Variants in ANTXR1 observed in about 807,000 individuals in gnomAD.
ANTXR1 encodes ANTXR cell adhesion molecule 1.
In ANTXR1, 19 loss-of-function variants were observed where a neutral mutation model predicts 78.1. The observed-to-expected ratio is 0.24, with a 90% confidence interval of 0.17 to 0.36. ANTXR1 has a LOEUF of 0.36. ANTXR1 is among the 10% of genes least tolerant of loss of function. The pLI is 1.00. For missense variants in ANTXR1, 518 were observed against 718.6 expected, an observed-to-expected ratio of 0.72 and a Z score of 3.19; for synonymous variants, 273 against 260.5, an observed-to-expected ratio of 1.05 and a Z score of -0.46.
chr2:69,195,181 AAG>A (rs2104478283), intron 17 of ANTXR1, among the ~76,000 whole-genome samples: 2 of 146,766 alleles, frequency 1.4e-5, no homozygotes, highest in African/African-American at 5.5e-5. Flanking sequence ...AAAAAGAAAA[AAG>A]AAAAAGAAAA....
chr2:69,106,466 T>C (rs987768268), intron 10 of ANTXR1, among the ~76,000 whole-genome samples: 2 of 152,254 alleles, frequency 1.3e-5, no homozygotes, highest in East Asian at 3.8e-4. Context: ...GGCTGCGGGC[T>C]GTGACCCCGA....
intron 17 of ANTXR1, among the ~76,000 whole-genome samples, chr2:69,197,821 T>G (rs930277579): frequency 6.6e-6 from 1 of 152,216 alleles, no homozygotes; most frequent in Non-Finnish European, 1.5e-5. Flanking sequence ...TGAAGGAATT[T>G]AGAATGTTCT....
chr2:69,169,858 C>A (rs1673931461), intron 13 of ANTXR1, among the ~76,000 whole-genome samples: 1 of 152,198 alleles, frequency 6.6e-6, no homozygotes. Context: ...CATTGTGTGA[C>A]AATTCTTTGT....
intron 17 of ANTXR1, among the ~76,000 whole-genome samples, chr2:69,203,653 C>G (rs1184325190): frequency 1.3e-5 from 2 of 151,936 alleles, no homozygotes; most frequent in Non-Finnish European, 2.9e-5. Context: ...TCTCTTTCCC[C>G]CTCCCTCTCC....
chr2:69,172,258 A>T (rs1674007094), intron 14 of ANTXR1: 1 of 849,594 alleles, frequency 1.2e-6, no homozygotes, highest in Non-Finnish European at 2.0e-6. Flanking sequence ...AAATTTAAAC[A>T]TTGTACTTTT....
chr2:69,024,558 C>A (rs1308832396), intron 1 of ANTXR1, among the ~76,000 whole-genome samples: 1 of 152,014 alleles, frequency 6.6e-6, no homozygotes, highest in Admixed American at 6.6e-5. Flanking sequence ...CAAGGAGGGA[C>A]AGAATTTCAA....
intron 1 of ANTXR1, among the ~76,000 whole-genome samples, chr2:69,015,917 A>T (rs1671012209): frequency 6.6e-6 from 1 of 152,246 alleles, no homozygotes; most frequent in Admixed American, 6.5e-5. Flanking sequence ...AAGAGAAAAA[A>T]ATATGAGTCA....
intron 17 of ANTXR1, among the ~76,000 whole-genome samples, chr2:69,209,253 T>A (rs73937207): frequency 0.021 from 3,207 of 152,318 alleles, 86 homozygotes; most frequent in East Asian, 0.096. Flanking sequence ...AAAAGGAACC[T>A]GAGTTGACTA....
intron 12 of ANTXR1, among the ~76,000 whole-genome samples, chr2:69,135,915 A>C (rs193145321): frequency 6.6e-6 from 1 of 152,300 alleles, no homozygotes; most frequent in Non-Finnish European, 1.5e-5. Context: ...CATTCAAAAT[A>C]GGGTCCAAAG....
At chr2:69,068,931 A>C (rs1417250115) in intron 3 of ANTXR1, among the ~76,000 whole-genome samples, 2 of 152,206 alleles carry the variant, frequency 1.3e-5, no homozygotes, top group Non-Finnish European at 2.9e-5. Context: ...GGTGAGAGGA[A>C]GGAAAGTCAA....
At chr2:69,103,367 T>G in intron 10 of ANTXR1, 1 of 278,106 alleles carries the variant, frequency 3.6e-6, no homozygotes, top group South Asian at 4.1e-5. Flanking sequence ...ATTGGGACTC[T>G]TAAGGGTAAG....
chr2:69,093,593 A>C (rs1396244673), intron 9 of ANTXR1, among the ~76,000 whole-genome samples: 2 of 152,340 alleles, frequency 1.3e-5, no homozygotes, highest in South Asian at 4.1e-4. Context: ...ATGAATTAAG[A>C]ATTAAAAGAT....
chr2:69,158,627 AC>A (rs1558608706), intron 13 of ANTXR1, among the ~76,000 whole-genome samples: 1 of 152,254 alleles, frequency 6.6e-6, no homozygotes, highest in African/African-American at 2.4e-5. Flanking sequence ...AAGTACCCAT[AC>A]AACCATTCTG....
chr2:69,217,037 A>G (rs1675195389), intron 17 of ANTXR1, among the ~76,000 whole-genome samples: 2 of 152,198 alleles, frequency 1.3e-5, no homozygotes, highest in African/African-American at 4.8e-5. Context: ...CAGATAAACT[A>G]CATCTGTCAG....
chr2:69,083,319 T>TCAG (rs1670951847), intron 8 of ANTXR1, among the ~76,000 whole-genome samples: 1 of 152,212 alleles, frequency 6.6e-6, no homozygotes, highest in South Asian at 2.1e-4. Context: ...GAGGCACATT[T>TCAG]CAGCAGCAGC....
intron 17 of ANTXR1, among the ~76,000 whole-genome samples, chr2:69,194,117 A>G (rs557050845): frequency 2.6e-5 from 4 of 152,354 alleles, no homozygotes; most frequent in African/African-American, 9.6e-5. Context: ...TGCATTCTCC[A>G]AAAAACAAGA....
chr2:69,095,651 G>A (rs1671376370), intron 9 of ANTXR1, among the ~76,000 whole-genome samples: 1 of 152,186 alleles, frequency 6.6e-6, no homozygotes, highest in African/African-American at 2.4e-5. Context: ...GGCAGATTTT[G>A]GCTTACCACA....
chr2:69,103,068 C>A, intron 10 of ANTXR1, 128 bp downstream of exon 10: 1 of 1,003,224 alleles, frequency 1.0e-6, no homozygotes, highest in Non-Finnish European at 1.6e-6. Flanking sequence ...CTGGAAAGAC[C>A]CCCAGCAAGG....
At chr2:69,071,815 T>C in intron 5 of ANTXR1, 28 bp downstream of exon 5, 4 of 1,606,500 alleles carry the variant, frequency 2.5e-6, no homozygotes, top group Non-Finnish European at 3.4e-6. Flanking sequence ...ACTACCATTA[T>C]GAATTATTTA....
Sources: allele counts gnomAD v4.1 joint callset (sites outside exome capture counted in the v4.1 genomes callset), GRCh38; gene constraint gnomAD v4.1.1; transcripts MANE v1.5; gene names NCBI Gene and HGNC (gene_info 2026-07-23, HGNC 2026-07-21).